Variants in PDE1C observed in about 807,000 individuals in gnomAD.
The protein encoded by PDE1C is dual specificity calcium/calmodulin-dependent 3',5'-cyclic nucleotide phosphodiesterase 1C.
Under a neutral mutation model 93.1 loss-of-function variants are expected in PDE1C, and 62 were observed. That is an observed-to-expected ratio of 0.67 (90% confidence interval 0.54 to 0.82). PDE1C has a LOEUF of 0.82. Among genes scored for constraint, PDE1C ranks in the 40% least tolerant of loss-of-function variants. PDE1C has a pLI of 0.00. For missense variants in PDE1C, 742 were observed against 884.6 expected, an observed-to-expected ratio of 0.84 and a Z score of 2.04; for synonymous variants, 325 against 310.1, an observed-to-expected ratio of 1.05 and a Z score of -0.50.
At chr7:31,851,089 C>CAT (rs1793275420) in intron 7 of PDE1C, among the ~76,000 whole-genome samples, 1 of 12,446 alleles carries the variant, frequency 8.0e-5, no homozygotes, top group South Asian at 5.9e-3. Context: ...CACACACACA[C>CAT]ACACACACAC....
At chr7:31,877,838 A>G (rs1044419699) in intron 5 of PDE1C, 132 bp downstream of exon 5, 1 of 608,568 alleles carries the variant, frequency 1.6e-6, no homozygotes. Flanking sequence ...AATAATAAAA[A>G]GATAATGAAA....
chr7:32,138,295 G>A (rs1800319788), intron 3 of PDE1C, among the ~76,000 whole-genome samples: 3 of 151,736 alleles, frequency 2.0e-5, no homozygotes, highest in Admixed American at 2.0e-4. Flanking sequence ...TAAAAAGTTG[G>A]GATAATAAAA....
At chr7:31,735,327 G>T in the PDE1C span, among the ~76,000 whole-genome samples, 1 of 151,868 alleles carries the variant, frequency 6.6e-6, no homozygotes, top group Non-Finnish European at 1.5e-5. Flanking sequence ...GAACCCAGGA[G>T]GCGGAGGTTG....
intron 9 of PDE1C, among the ~76,000 whole-genome samples, chr7:31,841,209 G>GTCTCTCTCTCTCTCTCTC (rs377551907): frequency 7.1e-6 from 1 of 140,176 alleles, no homozygotes. Flanking sequence ...CCCTCTCTCT[G>GTCTCTCTCTCTCTCTCTC]TCTCTCTCTC....
chr7:31,850,930 A>C (rs1338211146), intron 7 of PDE1C, 189 bp from the exon 8 acceptor site: 15 of 566,396 alleles, frequency 2.6e-5, no homozygotes, highest in Non-Finnish European at 4.8e-5. Context: ...ATTTGTTAAC[A>C]ATGTGTTCAG....
At chr7:32,104,588 T>TA (rs1409998301) in intron 3 of PDE1C, among the ~76,000 whole-genome samples, 1 of 152,148 alleles carries the variant, frequency 6.6e-6, no homozygotes, top group African/African-American at 2.4e-5. Context: ...GTCAAAATGA[T>TA]ATACACACTA....
At chr7:32,070,651 C>CAGGGAT (rs1795943220), upstream of PDE1C, 1 of 1,373,650 alleles carries the variant, frequency 7.3e-7, no homozygotes, top group African/African-American at 1.5e-5. Flanking sequence ...GGGATAAGCA[C>CAGGGAT]AGGGATAGGG....
At chr7:31,800,379 T>C (rs1430533249) in intron 16 of PDE1C, among the ~76,000 whole-genome samples, 2 of 151,614 alleles carry the variant, frequency 1.3e-5, no homozygotes, top group Non-Finnish European at 3.0e-5. Context: ...GTTTTACATT[T>C]TACATTTAGC....
chr7:32,194,707 T>A (rs1804492255), intron 2 of PDE1C, among the ~76,000 whole-genome samples: 1 of 152,198 alleles, frequency 6.6e-6, no homozygotes, highest in Non-Finnish European at 1.5e-5. Context: ...TTGGGTCATG[T>A]TTTTTAACCC....
At chr7:31,701,382 C>T in the PDE1C span, among the ~76,000 whole-genome samples, 3 of 152,114 alleles carry the variant, frequency 2.0e-5, no homozygotes, top group African/African-American at 7.2e-5. Context: ...TGAATTGCTG[C>T]AATCTAATGA....
intron 2 of PDE1C, among the ~76,000 whole-genome samples, chr7:31,955,030 T>C (rs184210031): frequency 6.6e-6 from 1 of 152,344 alleles, no homozygotes; most frequent in Admixed American, 6.5e-5. Flanking sequence ...TAAATAACTT[T>C]TCGCTCAGTC....
At chr7:31,725,487 C>T in the PDE1C span, among the ~76,000 whole-genome samples, 2 of 152,122 alleles carry the variant, frequency 1.3e-5, no homozygotes, top group African/African-American at 4.8e-5. Flanking sequence ...TGAGCTCACC[C>T]CAAACATAGA....
chr7:31,916,856 A>G (rs2128950253), intron 2 of PDE1C, among the ~76,000 whole-genome samples: 1 of 152,234 alleles, frequency 6.6e-6, no homozygotes, highest in Non-Finnish European at 1.5e-5. Flanking sequence ...ATTTATTGGC[A>G]CCCCTTTCTG....
At chr7:32,402,282 A>T (rs215734) in intron 1 of PDE1C, among the ~76,000 whole-genome samples, 133,880 of 151,986 alleles carry the variant, frequency 0.88, 60,797 homozygotes, top group East Asian at 0.99. Flanking sequence ...GCACTAGCTC[A>T]TACATTATGG....
At chr7:32,262,263 C>G (rs1810263678) in intron 1 of PDE1C, among the ~76,000 whole-genome samples, 1 of 152,088 alleles carries the variant, frequency 6.6e-6, no homozygotes. Context: ...AAGCAAATAA[C>G]CAGGTAGCTA....
chr7:32,270,979 A>G (rs1810919703), intron 1 of PDE1C, among the ~76,000 whole-genome samples: 1 of 151,940 alleles, frequency 6.6e-6, no homozygotes, highest in Non-Finnish European at 1.5e-5. Context: ...AAAAAAAGAA[A>G]AAAAAAAAAT....
At chr7:32,215,071 G>A (rs1806329145) in intron 1 of PDE1C, among the ~76,000 whole-genome samples, 1 of 152,092 alleles carries the variant, frequency 6.6e-6, no homozygotes, top group Non-Finnish European at 1.5e-5. Flanking sequence ...ACCCTAGGTT[G>A]TAAACCAGGG....
chr7:31,740,650 C>T, the PDE1C span, among the ~76,000 whole-genome samples: 1 of 152,098 alleles, frequency 6.6e-6, no homozygotes, highest in African/African-American at 2.4e-5. Context: ...TTTCCATATC[C>T]TTATTTATGT....
At chr7:32,166,708 T>C (rs922624404) in intron 3 of PDE1C, among the ~76,000 whole-genome samples, 4 of 152,198 alleles carry the variant, frequency 2.6e-5, no homozygotes, top group African/African-American at 9.7e-5. Flanking sequence ...CTGGCATTAT[T>C]AGTAACTGAC....
Sources: gnomAD v4.1 joint callset for allele counts (sites outside exome capture counted in the v4.1 genomes callset) on GRCh38, gnomAD v4.1.1 for gene constraint, MANE v1.5 for transcripts, NCBI Gene and HGNC (gene_info 2026-07-23, HGNC 2026-07-21) for gene names.